SLC24A2: variants seen among roughly 807,000 people sequenced by gnomAD.
SLC24A2 encodes the protein solute carrier family 24 member 2.
A neutral mutation model predicts 62.0 loss-of-function variants in SLC24A2; 36 were observed. The ratio of observed to expected loss-of-function variants is 0.58; its 90% CI spans 0.44 to 0.77. The LOEUF (loss-of-function observed/expected upper bound fraction) is 0.77. SLC24A2 is among the 30% of genes least tolerant of loss of function. The pLI is 0.00. For synonymous variants in SLC24A2, 358 were observed against 294.0 expected (o/e 1.22, Z -2.23); for missense variants, 846 against 817.9 (o/e 1.03, Z -0.42).
intron 2 of SLC24A2, among the ~76,000 whole-genome samples, chr9:19,669,693 A>T (rs1050573234): frequency 2.1e-4 from 32 of 152,312 alleles, no homozygotes; most frequent in African/African-American, 7.5e-4. Context: ...AACCAGCAAC[A>T]GCAAGTTGAG....
chr9:19,973,578 T>C, the SLC24A2 span, among the ~76,000 whole-genome samples: 1 of 152,226 alleles, frequency 6.6e-6, no homozygotes, highest in East Asian at 1.9e-4. Flanking sequence ...CTTGGCATCA[T>C]GCTAATATTT....
the SLC24A2 span, among the ~76,000 whole-genome samples, chr9:19,828,760 G>A: frequency 6.6e-6 from 1 of 152,188 alleles, no homozygotes; most frequent in East Asian, 1.9e-4. Flanking sequence ...GCTTGAGGGG[G>A]TGGGTAAGTG....
chr9:19,786,022 A>C lies in SLC24A2; in HGVS notation c.845T>G (p.Phe282Cys), dbSNP rs41313971. ...CACCCATTTTTCTACTTGGACGTTG[A>C]ATTTCATGAAAACCACATAGCAAAA... ...AYFCYVVFMK[F>C]NVQVEKWVKQ... Residue 282 changes from phenylalanine (F) to cysteine (C), a missense_variant, in exon 2 of 11, where the codon TTC (phenylalanine) becomes TGC (cysteine). Physicochemically the swap from Phe to Cys is radical, Grantham distance 205 (BLOSUM62 -2). Coordinates refer to ENST00000341998, the MANE Select transcript of SLC24A2 (RefSeq NM_020344.4). This position sits in a 1 kb window ranked among gnomAD's most constrained non-coding sequence, Gnocchi z 5.0. The C allele has an allele frequency of 4.2e-3, 6,823 of 1,614,100 alleles. 31 individuals are homozygous for C. Among genetic ancestry groups the C allele is most frequent in the Non-Finnish European group, 4.6e-3 (5,478 of 1,179,946 alleles).
chr9:20,291,979 A>G, the SLC24A2 span, among the ~76,000 whole-genome samples: 1 of 152,190 alleles, frequency 6.6e-6, no homozygotes, highest in Non-Finnish European at 1.5e-5. Context: ...AAAAGCCAAT[A>G]TGGAGACTAG....
chr9:20,095,634 A>T, the SLC24A2 span, among the ~76,000 whole-genome samples: 3 of 151,974 alleles, frequency 2.0e-5, no homozygotes. Context: ...CACTCTGCAG[A>T]CCTTAGGACT....
the SLC24A2 span, among the ~76,000 whole-genome samples, chr9:20,143,747 A>G: frequency 7.9e-5 from 12 of 152,250 alleles, no homozygotes; most frequent in Non-Finnish European, 1.5e-4. Context: ...GTATACATTT[A>G]TAAGTAAAAT....
chr9:20,306,692 C>CT, the SLC24A2 span, among the ~76,000 whole-genome samples: 1 of 152,044 alleles, frequency 6.6e-6, no homozygotes, highest in African/African-American at 2.4e-5. Flanking sequence ...ATGTTATTTT[C>CT]TTTTTTTGTT....
Position 19,561,710 on chromosome 9 carries a change from G to A in SLC24A2, c.1348-11442C>T, listed in dbSNP as rs138484534. On this transcript the variant is annotated intron_variant, in intron 7 of 10. Transcript: ENST00000341998. ...CTCCCAAAGTGCTGGGATTACAGGCGTGAGCCACTGCTCCTGGCCGAAAAC... is the reference window on the plus strand; with the variant it reads ...CTCCCAAAGTGCTGGGATTACAGGCATGAGCCACTGCTCCTGGCCGAAAAC... 2.4e-3 allele frequency among the ~76,000 whole-genome samples: 372 copies of A among 152,226 alleles called. 1 individual carries two copies. Among genetic ancestry groups the A allele is most frequent in the African/African-American group, 8.2e-3 (341 of 41,526 alleles).
the SLC24A2 span, among the ~76,000 whole-genome samples, chr9:20,280,896 C>T: frequency 9.3e-4 from 142 of 152,256 alleles, 1 homozygote; most frequent in Non-Finnish European, 1.5e-3. Flanking sequence ...CCTGGAGCCA[C>T]CAGAAGCAGG....
intron 2 of SLC24A2, among the ~76,000 whole-genome samples, chr9:19,728,110 C>T (rs1425211308): frequency 6.6e-6 from 1 of 152,092 alleles, no homozygotes; most frequent in African/African-American, 2.4e-5. Context: ...CCTTTCTGAT[C>T]CGTAGTCAGA....
At chr9:19,734,682 T>G (rs1821449845) in intron 2 of SLC24A2, among the ~76,000 whole-genome samples, 1 of 152,182 alleles carries the variant, frequency 6.6e-6, no homozygotes, top group African/African-American at 2.4e-5. Context: ...TTTGGCTGTT[T>G]GTCTGTTATT....
At chr9:19,982,685 T>C in the SLC24A2 span, among the ~76,000 whole-genome samples, 1 of 152,174 alleles carries the variant, frequency 6.6e-6, no homozygotes, top group Non-Finnish European at 1.5e-5. Context: ...ACTTATTCTA[T>C]AAGGCTGTAT....
intron 6 of SLC24A2, among the ~76,000 whole-genome samples, chr9:19,575,235 A>T (rs1240276479): frequency 6.6e-6 from 1 of 152,216 alleles, no homozygotes; most frequent in Non-Finnish European, 1.5e-5. Context: ...GCATGTGGCT[A>T]TGCCAGTTTA....
At chr9:19,952,839 G>A in the SLC24A2 span, among the ~76,000 whole-genome samples, 4 of 151,736 alleles carry the variant, frequency 2.6e-5, no homozygotes, top group East Asian at 7.7e-4. Flanking sequence ...TTCCTTAAAT[G>A]TTTGGTAAAC....
the SLC24A2 span, among the ~76,000 whole-genome samples, chr9:19,998,013 A>G: frequency 5.3e-5 from 8 of 152,280 alleles, no homozygotes; most frequent in East Asian, 1.4e-3. Flanking sequence ...AGCCAATACT[A>G]TTAAGGATAA....
intron 2 of SLC24A2, among the ~76,000 whole-genome samples, chr9:19,784,325 G>C (rs1405149816): frequency 1.3e-5 from 2 of 152,096 alleles, no homozygotes; most frequent in Non-Finnish European, 2.9e-5. Flanking sequence ...TATACCATTG[G>C]ATTGCTCTGC....
At chr9:20,301,237 G>C in the SLC24A2 span, among the ~76,000 whole-genome samples, 1 of 152,218 alleles carries the variant, frequency 6.6e-6, no homozygotes, top group Non-Finnish European at 1.5e-5. Flanking sequence ...TTCCAAGCAA[G>C]TAAACATGCT....
the SLC24A2 span, among the ~76,000 whole-genome samples, chr9:20,199,598 T>C: frequency 1.1e-4 from 17 of 152,192 alleles, no homozygotes; most frequent in Admixed American, 1.1e-3. Flanking sequence ...TTCAATTCAC[T>C]TTGAGAATAA....
the SLC24A2 span, among the ~76,000 whole-genome samples, chr9:20,270,826 T>C: frequency 6.6e-6 from 1 of 152,250 alleles, no homozygotes; most frequent in Non-Finnish European, 1.5e-5. Context: ...ACAATAAAAA[T>C]TTGAAAGCTG....
Sources: gnomAD v4.1 joint callset for allele counts (sites outside exome capture counted in the v4.1 genomes callset) on GRCh38, gnomAD v4.1.1 for gene constraint, Gnocchi (gnomAD v3.1) non-coding constraint, MANE v1.5 for transcripts, NCBI Gene and HGNC (gene_info 2026-07-23, HGNC 2026-07-21) for gene names.